NOL10: variants seen among roughly 807,000 people sequenced by gnomAD.
NOL10 encodes H_NH0074G24.1.
NOL10 carries 58 observed loss-of-function variants against 103.5 expected under a neutral mutation model. The observed-to-expected ratio is 0.56, with a 90% CI of 0.45 to 0.70. The LOEUF (loss-of-function observed/expected upper bound fraction) is 0.70. NOL10 is among the 30% of genes least tolerant of loss of function. The probability of loss-of-function intolerance (pLI) is 0.00; values close to 1 mark genes in which losing one functional copy is unlikely to be tolerated. For synonymous variants in NOL10, 287 were observed against 282.5 expected (o/e 1.02, Z -0.16); for missense variants, 763 against 807.3 (o/e 0.95, Z 0.67).
At chr2:10,572,280 C>G in intron 20 of NOL10, 90 bp from the exon 21 acceptor site, 3 of 1,386,754 alleles carry the variant, frequency 2.2e-6, no homozygotes, top group Non-Finnish European at 3.0e-6. Flanking sequence ...AGTACCACCA[C>G]CAATCTCAGA....
rs377101242 is a variant in NOL10 at position 10,587,276 on chromosome 2, T to TATA, written c.1844+1766_1844+1767insTAT. Among the ~76,000 whole-genome samples, 185 of 52,624 alleles carry TATA rather than the reference T, an allele frequency of 3.5e-3. 24 individuals carry two copies. The highest frequency in any genetic ancestry group is 6.8e-3 in the Middle Eastern group (1 of 148). 34.5% of individuals were successfully genotyped at this position (52,624 alleles called of 152,430 possible). On this transcript the variant is annotated intron_variant, in intron 19 of 20. Coordinates refer to ENST00000381685, the MANE Select transcript of NOL10 (RefSeq NM_024894.4). The stretch of plus-strand genomic sequence containing the variant: ...ATATATACACATATATATATATATA[T>TATA]TTTTTTTTTTTTTGAGATGGAGTCT...
chr2:10,615,206 A>G (rs1424664459), intron 13 of NOL10, among the ~76,000 whole-genome samples: 1 of 152,246 alleles, frequency 6.6e-6, no homozygotes, highest in East Asian at 1.9e-4. Context: ...CTTAAAAATC[A>G]GATTAGCAAA....
intron 13 of NOL10, among the ~76,000 whole-genome samples, chr2:10,607,892 TCAACTAATTACTTGA>T (rs1305387808): frequency 6.6e-6 from 1 of 151,924 alleles, no homozygotes; most frequent in Non-Finnish European, 1.5e-5. Flanking sequence ...TTAAGATTTT[TCAACTAATTACTTGA>T]CAATTACATT....
chr2:10,622,197 T>C (rs1677188619), intron 13 of NOL10: 1 of 470,834 alleles, frequency 2.1e-6, no homozygotes, highest in African/African-American at 2.0e-5. Flanking sequence ...ACTATGTAAA[T>C]AAAGTATGAT....
chr2:10,595,865 G>A (rs986478169), intron 17 of NOL10, among the ~76,000 whole-genome samples: 2 of 151,616 alleles, frequency 1.3e-5, no homozygotes, highest in South Asian at 2.1e-4. Context: ...TTGGCCTCCC[G>A]AAGTGCTGGG....
chr2:10,571,887 G>T lies in NOL10; in HGVS notation c.*184C>A. ...ACACCCCTGGGGCTGTGCGGTGGCC[G>T]TCGGCGGGGCCAGCTTCAAAGTCCA... On this transcript the variant is annotated 3_prime_UTR_variant, in exon 21 of 21. Coordinates refer to ENST00000381685, the MANE Select transcript of NOL10 (RefSeq NM_024894.4). 2 of 628,832 alleles carry T rather than the reference G, an allele frequency of 3.2e-6. No individual in the cohort carries two copies. Among genetic ancestry groups the T allele is most frequent in the South Asian group, 2.3e-5 (1 of 44,082 alleles). 39.0% of individuals were successfully genotyped at this position (628,832 alleles called of 1,614,324 possible).
intron 14 of NOL10, among the ~76,000 whole-genome samples, chr2:10,606,959 A>G (rs1468695412): frequency 6.6e-6 from 1 of 152,220 alleles, no homozygotes; most frequent in East Asian, 1.9e-4. Context: ...ATAAATTCTC[A>G]TTTAAAATAC....
At chr2:10,661,545 A>G (rs1462356462) in intron 9 of NOL10, among the ~76,000 whole-genome samples, 1 of 151,912 alleles carries the variant, frequency 6.6e-6, no homozygotes, top group Non-Finnish European at 1.5e-5. Context: ...CTAATTTTGT[A>G]TTTTTAGTAG....
chr2:10,584,302 T>C (rs1674913165), intron 19 of NOL10, among the ~76,000 whole-genome samples: 1 of 152,230 alleles, frequency 6.6e-6, no homozygotes, highest in African/African-American at 2.4e-5. Context: ...CACTGAGCAG[T>C]TGATAAATGC....
chr2:10,631,004 G>A (rs1677806875), intron 13 of NOL10, among the ~76,000 whole-genome samples: 1 of 152,156 alleles, frequency 6.6e-6, no homozygotes, highest in South Asian at 2.1e-4. Flanking sequence ...TGTTGCTACT[G>A]GTACTATAAA....
At chr2:10,574,589 T>C (rs6754178) in intron 20 of NOL10, among the ~76,000 whole-genome samples, 1 of 150,362 alleles carries the variant, frequency 6.7e-6, no homozygotes, top group Non-Finnish European at 1.5e-5. Flanking sequence ...GGAGCGTGCA[T>C]TGAGCAGAGA....
At chr2:10,597,751 G>A (rs1163537249) in intron 17 of NOL10, among the ~76,000 whole-genome samples, 1 of 152,188 alleles carries the variant, frequency 6.6e-6, no homozygotes, top group Admixed American at 6.5e-5. Context: ...GAAGAATTCT[G>A]TTATCACGTG....
intron 13 of NOL10, among the ~76,000 whole-genome samples, chr2:10,626,247 T>C (rs1443774149): frequency 1.3e-5 from 2 of 152,090 alleles, no homozygotes. Context: ...CCAGCATGCA[T>C]GGAGTCAATG....
intron 3 of NOL10, among the ~76,000 whole-genome samples, chr2:10,678,423 A>AC: frequency 7.6e-6 from 1 of 132,038 alleles, no homozygotes; most frequent in Non-Finnish European, 1.7e-5. Flanking sequence ...AAAAGTGGTA[A>AC]AAAAAAAAAA....
chr2:10,634,687 C>T lies in NOL10; in HGVS notation c.1026+9633G>A, dbSNP rs542106923. The T allele has an allele frequency of 5.0e-5, 22 of 440,934 alleles. 1 individual carries two copies. Among genetic ancestry groups the T allele is most frequent in the South Asian group, 2.3e-4 (14 of 61,976 alleles). 27.3% of individuals were successfully genotyped at this position (440,934 alleles called of 1,614,324 possible). ...AGAAGAGACAAGGACTAAGTCCTAG[C>T]GCTCACTAACATTCAGAGGTCAGGG... On this transcript the variant is annotated intron_variant, in intron 13 of 20. Coordinates refer to ENST00000381685, the MANE Select transcript of NOL10 (RefSeq NM_024894.4).
intron 11 of NOL10, among the ~76,000 whole-genome samples, chr2:10,656,564 A>T (rs1211432188): frequency 2.6e-5 from 4 of 152,238 alleles, no homozygotes; most frequent in Non-Finnish European, 4.4e-5. Context: ...ATACTTCAGG[A>T]ATTAACAAAA....
At chr2:10,681,927 C>T (rs1681790263) in intron 3 of NOL10, 44 bp downstream of exon 3, 2 of 862,678 alleles carry the variant, frequency 2.3e-6, no homozygotes, top group Admixed American at 3.3e-5. Context: ...CGCAGCATTT[C>T]CTGGTACAAA....
intron 7 of NOL10, among the ~76,000 whole-genome samples, chr2:10,667,703 G>A (rs1680646268): frequency 6.6e-6 from 1 of 152,120 alleles, no homozygotes; most frequent in Admixed American, 6.5e-5. Context: ...TCTGTAAAAT[G>A]GATATTTCAC....
At chr2:10,651,623 C>T (rs1396119523) in intron 12 of NOL10, among the ~76,000 whole-genome samples, 2 of 152,046 alleles carry the variant, frequency 1.3e-5, no homozygotes, top group Non-Finnish European at 2.9e-5. Context: ...AACTGTACAG[C>T]CCAAGGTAAG....
Sources: allele counts gnomAD v4.1 joint callset (sites outside exome capture counted in the v4.1 genomes callset), GRCh38; gene constraint gnomAD v4.1.1; transcripts MANE v1.5; gene names NCBI Gene and HGNC (gene_info 2026-07-23, HGNC 2026-07-21).